Variants in PHACTR1 observed in about 807,000 individuals in gnomAD.
The protein encoded by PHACTR1 is phosphatase and actin regulator 1, also known as RPEL repeat containing 1.
In PHACTR1, 16 loss-of-function variants were observed where a neutral mutation model predicts 69.2. The observed-to-expected ratio is 0.23, with a 90% CI of 0.16 to 0.35. The LOEUF is 0.35. PHACTR1 is among the 10% of genes least tolerant of loss of function. The pLI, the probability that PHACTR1 is intolerant of heterozygous loss-of-function variation, is 1.00. For missense variants in PHACTR1, 510 were observed against 734.7 expected, an observed-to-expected ratio of 0.69 and a Z score of 3.54; for synonymous variants, 312 against 284.5, an observed-to-expected ratio of 1.10 and a Z score of -0.97.
intron 5 of PHACTR1, among the ~76,000 whole-genome samples, chr6:13,078,040 G>C (rs1810800743): frequency 6.6e-6 from 1 of 152,144 alleles, no homozygotes; most frequent in African/African-American, 2.4e-5. Context: ...CACAATGAAG[G>C]AGAGGTCATC....
intron 4 of PHACTR1, among the ~76,000 whole-genome samples, chr6:12,921,180 C>T (rs893242608): frequency 3.3e-5 from 5 of 152,204 alleles, no homozygotes; most frequent in Non-Finnish European, 1.5e-5. Context: ...TTCACTCTAT[C>T]CCTGCCCTGC....
intron 4 of PHACTR1, among the ~76,000 whole-genome samples, chr6:12,858,111 G>T (rs1407014843): frequency 1.3e-5 from 2 of 152,302 alleles, no homozygotes; most frequent in East Asian, 3.9e-4. Flanking sequence ...AATGTAAATT[G>T]CAGAAGTTGG....
chr6:13,049,189 A>G (rs915452510), intron 4 of PHACTR1, among the ~76,000 whole-genome samples: 2 of 152,194 alleles, frequency 1.3e-5, no homozygotes, highest in Non-Finnish European at 2.9e-5. Flanking sequence ...CAATTTCAGA[A>G]TAATTTGTAT....
intron 4 of PHACTR1, among the ~76,000 whole-genome samples, chr6:12,788,172 A>G (rs1771782578): frequency 6.6e-6 from 1 of 151,794 alleles, no homozygotes. Context: ...TAAAAAAAAA[A>G]AAAAACACCT....
intron 4 of PHACTR1, among the ~76,000 whole-genome samples, chr6:12,893,041 C>A (rs150682925): frequency 1.7e-4 from 26 of 152,196 alleles, no homozygotes; most frequent in African/African-American, 6.0e-4. Context: ...AATATAGTGT[C>A]CAGGCAACAC....
intron 4 of PHACTR1, among the ~76,000 whole-genome samples, chr6:12,758,980 C>A (rs1767700281): frequency 6.6e-6 from 1 of 151,746 alleles, no homozygotes; most frequent in South Asian, 2.1e-4. Flanking sequence ...AAAAATTAGC[C>A]AGGCATGGTG....
intron 4 of PHACTR1, among the ~76,000 whole-genome samples, chr6:13,037,834 C>T (rs568052145): frequency 2.8e-4 from 43 of 152,268 alleles, no homozygotes; most frequent in African/African-American, 9.6e-4. Flanking sequence ...AACTGGTCTA[C>T]ATGAAGAGAG....
At chr6:12,781,247 A>G (rs972293560) in intron 4 of PHACTR1, among the ~76,000 whole-genome samples, 2 of 152,088 alleles carry the variant, frequency 1.3e-5, no homozygotes, top group African/African-American at 4.8e-5. Context: ...TGGATCTGGG[A>G]TGATTCTGGC....
intron 5 of PHACTR1, among the ~76,000 whole-genome samples, chr6:13,141,571 C>A (rs1243366696): frequency 6.6e-6 from 1 of 152,138 alleles, no homozygotes; most frequent in Non-Finnish European, 1.5e-5. Context: ...AAGCAGTGTG[C>A]TTCCTGCCCT....
At chr6:13,190,190 A>ATTTTTGTT (rs1554151086) in intron 7 of PHACTR1, among the ~76,000 whole-genome samples, 1 of 29,232 alleles carries the variant, frequency 3.4e-5, no homozygotes, top group Non-Finnish European at 6.8e-5. Flanking sequence ...TGCTCAGCTA[A>ATTTTTGTT]TTTTTGTATT....
chr6:13,211,512 C>T (rs1427270783), intron 8 of PHACTR1, among the ~76,000 whole-genome samples: 2 of 152,122 alleles, frequency 1.3e-5, no homozygotes, highest in Non-Finnish European at 2.9e-5. Context: ...AATGTGGATC[C>T]ATGTGGACCC....
intron 5 of PHACTR1, among the ~76,000 whole-genome samples, chr6:13,081,755 A>T (rs557673953): frequency 6.6e-6 from 1 of 152,312 alleles, no homozygotes; most frequent in South Asian, 2.1e-4. Flanking sequence ...TCAGCCTGGG[A>T]GTTTGAGACT....
At chr6:13,112,073 G>A (rs997085194) in intron 5 of PHACTR1, among the ~76,000 whole-genome samples, 1 of 151,990 alleles carries the variant, frequency 6.6e-6, no homozygotes. Context: ...GCTCCCCTCT[G>A]TGTGTCCATG....
intron 11 of PHACTR1, among the ~76,000 whole-genome samples, chr6:13,276,687 G>T (rs939345206): frequency 1.3e-5 from 2 of 152,088 alleles, no homozygotes; most frequent in Non-Finnish European, 2.9e-5. Context: ...CAGGAGAATC[G>T]CTTGAACTTG....
intron 8 of PHACTR1, among the ~76,000 whole-genome samples, chr6:13,222,697 GT>G (rs1768874834): frequency 6.6e-6 from 1 of 152,228 alleles, no homozygotes; most frequent in African/African-American, 2.4e-5. Context: ...TTGTCCCCCT[GT>G]CCCCCAGAGG....
intron 4 of PHACTR1, among the ~76,000 whole-genome samples, chr6:12,825,613 G>A (rs1302267340): frequency 6.6e-6 from 1 of 152,192 alleles, no homozygotes; most frequent in Non-Finnish European, 1.5e-5. Flanking sequence ...TGTGGAAGTT[G>A]TATCCACAGA....
At chr6:13,088,132 G>T (rs962904606) in intron 5 of PHACTR1, among the ~76,000 whole-genome samples, 1 of 152,102 alleles carries the variant, frequency 6.6e-6, no homozygotes, top group Non-Finnish European at 1.5e-5. Context: ...CACAGAGAGT[G>T]CAAGAGAATC....
chr6:13,130,060 G>T (rs369741622), intron 5 of PHACTR1, among the ~76,000 whole-genome samples: 3 of 152,090 alleles, frequency 2.0e-5, no homozygotes, highest in African/African-American at 7.2e-5. Context: ...TGCTCTTTGG[G>T]TCAACAATGA....
chr6:12,931,280 CA>C (rs36041182), intron 4 of PHACTR1, among the ~76,000 whole-genome samples: 25,067 of 152,080 alleles, frequency 0.16, 4,693 homozygotes, highest in African/African-American at 0.46. Context: ...CTTTCTCCTT[CA>C]AGAAGATAAC....
Sources: allele counts gnomAD v4.1 joint callset (sites outside exome capture counted in the v4.1 genomes callset), GRCh38; gene constraint gnomAD v4.1.1; transcripts MANE v1.5; gene names NCBI Gene and HGNC (gene_info 2026-07-23, HGNC 2026-07-21).